The following ST6GALNAC3 variants were observed in gnomAD, a reference collection of about 807,000 sequenced individuals.
ST6GALNAC3 encodes alpha-N-acetylgalactosaminide alpha-2,6-sialyltransferase 3.
In ST6GALNAC3, 25 loss-of-function variants were observed where a neutral mutation model predicts 32.7. That is an observed-to-expected ratio of 0.76 (90% CI 0.56 to 1.07). ST6GALNAC3 has a LOEUF of 1.07. ST6GALNAC3 is among the 50% of genes least tolerant of loss of function. The pLI is 0.00. For synonymous variants in ST6GALNAC3, 129 were observed against 133.1 expected, an observed-to-expected ratio of 0.97 and a Z score of 0.21; for missense variants, 355 against 382.4, an observed-to-expected ratio of 0.93 and a Z score of 0.60.
intron 1 of ST6GALNAC3, among the ~76,000 whole-genome samples, chr1:76,256,123 ATACTT>A: frequency 6.6e-6 from 1 of 152,230 alleles, no homozygotes; most frequent in African/African-American, 2.4e-5. Context: ...AAAAATTAAA[ATACTT>A]TAAACTAGTT....
chr1:76,398,366 C>T (rs560284405), intron 2 of ST6GALNAC3, among the ~76,000 whole-genome samples: 17 of 152,180 alleles, frequency 1.1e-4, no homozygotes, highest in Admixed American at 2.6e-4. Context: ...TCTTATAAAA[C>T]GATACATCAG....
chr1:76,120,824 G>A (rs1570055785), intron 1 of ST6GALNAC3, among the ~76,000 whole-genome samples: 3 of 152,120 alleles, frequency 2.0e-5, no homozygotes, highest in African/African-American at 2.4e-5. Context: ...AATTACCACC[G>A]ACATAAAAGC....
chr1:76,424,752 G>T (rs553526576), intron 3 of ST6GALNAC3, among the ~76,000 whole-genome samples: 5 of 151,948 alleles, frequency 3.3e-5, no homozygotes, highest in Admixed American at 6.6e-5. Flanking sequence ...CTTAATATTG[G>T]CTTCACCTAT....
At chr1:76,217,414 A>G (rs1336239458) in intron 1 of ST6GALNAC3, among the ~76,000 whole-genome samples, 1 of 152,238 alleles carries the variant, frequency 6.6e-6, no homozygotes, top group East Asian at 1.9e-4. Flanking sequence ...TTATTTCTAT[A>G]TGTGGCAGAA....
intron 1 of ST6GALNAC3, among the ~76,000 whole-genome samples, chr1:76,159,177 C>A (rs11162089): frequency 0.13 from 19,931 of 151,036 alleles, 1,442 homozygotes; most frequent in African/African-American, 0.16. Context: ...GCCTCTAGTC[C>A]TTTCCTTTTC....
intron 3 of ST6GALNAC3, among the ~76,000 whole-genome samples, chr1:76,599,066 T>C (rs574531867): frequency 9.2e-5 from 14 of 152,308 alleles, no homozygotes; most frequent in African/African-American, 3.4e-4. Flanking sequence ...GCATTGCTTT[T>C]TTCTTACAGA....
chr1:76,154,547 T>C (rs1236983822), intron 1 of ST6GALNAC3, among the ~76,000 whole-genome samples: 2 of 152,206 alleles, frequency 1.3e-5, no homozygotes, highest in Non-Finnish European at 2.9e-5. Context: ...TAGTGAAACG[T>C]GATTGTAACC....
chr1:76,128,004 G>C (rs1359825245), intron 1 of ST6GALNAC3, among the ~76,000 whole-genome samples: 2 of 152,100 alleles, frequency 1.3e-5, no homozygotes, highest in African/African-American at 4.8e-5. Context: ...TCCTACCTGA[G>C]ATTATGTTAT....
intron 3 of ST6GALNAC3, among the ~76,000 whole-genome samples, chr1:76,458,041 A>G (rs1571296694): frequency 6.7e-6 from 1 of 149,250 alleles, no homozygotes; most frequent in East Asian, 2.0e-4. Flanking sequence ...TTTACAAGAA[A>G]AAAACAAACA....
intron 3 of ST6GALNAC3, among the ~76,000 whole-genome samples, chr1:76,620,519 T>C (rs572171066): frequency 6.6e-6 from 1 of 152,130 alleles, no homozygotes; most frequent in East Asian, 1.9e-4. Context: ...GCATTACAGG[T>C]TTCTGGTGAA....
At chr1:76,635,273 A>T (rs966125743), downstream of ST6GALNAC3, among the ~76,000 whole-genome samples, 1 of 151,934 alleles carries the variant, frequency 6.6e-6, no homozygotes, top group Admixed American at 6.6e-5. Flanking sequence ...AATTTGGATA[A>T]TTTTTCTTTT....
At chr1:76,125,631 T>G (rs1359694637) in intron 1 of ST6GALNAC3, among the ~76,000 whole-genome samples, 1 of 152,200 alleles carries the variant, frequency 6.6e-6, no homozygotes, top group East Asian at 1.9e-4. Flanking sequence ...ACTCTGAAGA[T>G]CAGAAGCAGT....
chr1:76,543,807 T>C (rs1028586581), intron 3 of ST6GALNAC3, among the ~76,000 whole-genome samples: 6 of 152,208 alleles, frequency 3.9e-5, no homozygotes, highest in Non-Finnish European at 8.8e-5. Flanking sequence ...GCAGTAATTA[T>C]CAGACTTTTG....
intron 3 of ST6GALNAC3, among the ~76,000 whole-genome samples, chr1:76,413,233 T>C (rs1184329493): frequency 6.6e-6 from 1 of 152,142 alleles, no homozygotes; most frequent in East Asian, 1.9e-4. Context: ...AAGATAACTA[T>C]TAAAACAGAG....
chr1:76,503,847 T>C (rs1273194891), intron 3 of ST6GALNAC3, among the ~76,000 whole-genome samples: 4 of 152,230 alleles, frequency 2.6e-5, no homozygotes, highest in African/African-American at 9.6e-5. Flanking sequence ...TTGTTCACTT[T>C]CTGGGTTGGT....
rs922482083 is a variant in ST6GALNAC3, at chr1:76,143,177, G to C, written c.18+68293G>C. On this transcript the variant is annotated intron_variant, in intron 1 of 4. Coordinates refer to ENST00000328299, the MANE Select transcript of ST6GALNAC3 (RefSeq NM_152996.4). Reference sequence around the variant, plus strand: ...AATGAAATGGATCTTGGCAGTAAAGGGTTTAAAACTAACTTTGGATTTATT... The same window carrying C: ...AATGAAATGGATCTTGGCAGTAAAGCGTTTAAAACTAACTTTGGATTTATT... Among the ~76,000 whole-genome samples the C allele has an allele frequency of 7.4e-4, 113 of 152,028 alleles. 6 individuals are homozygous for C. The highest frequency in any genetic ancestry group is 2.7e-4 in the African/African-American group (11 of 41,382).
intron 3 of ST6GALNAC3, among the ~76,000 whole-genome samples, chr1:76,537,375 A>G (rs898631104): frequency 6.6e-6 from 1 of 152,218 alleles, no homozygotes; most frequent in South Asian, 2.1e-4. Context: ...GAAAGCTAAA[A>G]AGATCTCAAA....
At chr1:76,528,855 G>A (rs1285148799) in intron 3 of ST6GALNAC3, among the ~76,000 whole-genome samples, 2 of 150,422 alleles carry the variant, frequency 1.3e-5, no homozygotes, top group Non-Finnish European at 3.0e-5. Context: ...GCAACATTAA[G>A]GAAGCTATTA....
chr1:76,172,224 C>A (rs1335614347), intron 1 of ST6GALNAC3, among the ~76,000 whole-genome samples: 1 of 152,048 alleles, frequency 6.6e-6, no homozygotes, highest in Non-Finnish European at 1.5e-5. Flanking sequence ...ATAAACAGAA[C>A]CAAAGACAAA....
Sources: allele counts gnomAD v4.1 joint callset (sites outside exome capture counted in the v4.1 genomes callset), GRCh38; gene constraint gnomAD v4.1.1; transcripts MANE v1.5; gene names NCBI Gene and HGNC (gene_info 2026-07-23, HGNC 2026-07-21).